The following DMD variants were observed in gnomAD, a reference collection of about 807,000 sequenced individuals.
DMD encodes the protein mutant dystrophin.
In DMD, 63 loss-of-function variants were observed where a neutral mutation model predicts 330.1. That is an observed-to-expected ratio of 0.19 (90% CI 0.16 to 0.24). The LOEUF (loss-of-function observed/expected upper bound fraction) is 0.24. DMD is among the 10% of genes least tolerant of loss of function. The pLI, the probability that DMD is intolerant of heterozygous loss-of-function variation, is 1.00. For missense variants in DMD, 3,344 were observed against 2,684.1 expected (o/e 1.25, Z -5.43); for synonymous variants, 1,223 against 959.8 (o/e 1.27, Z -5.07).
chrX:31,318,612 G>T (rs1451279048), intron 62 of DMD, among the ~76,000 whole-genome samples: 1 of 112,196 alleles, frequency 8.9e-6, no homozygotes. Context: ...AAGGTCATCA[G>T]GCAACATATA....
intron 16 of DMD, among the ~76,000 whole-genome samples, chrX:32,548,183 A>G (rs1392895127): frequency 1.8e-5 from 2 of 111,389 alleles, no homozygotes; most frequent in Non-Finnish European, 3.8e-5. Context: ...TCACTATAGG[A>G]CATTCAGAAA....
chrX:32,334,652 C>T (rs775395089), intron 41 of DMD, among the ~76,000 whole-genome samples: 7 of 111,385 alleles, frequency 6.3e-5, no homozygotes, highest in South Asian at 3.8e-4. Context: ...AATAATGATA[C>T]GGTGATGTTC....
At chrX:32,125,792 T>C (rs141635972) in intron 44 of DMD, among the ~76,000 whole-genome samples, 188 of 112,015 alleles carry the variant, frequency 1.7e-3, no homozygotes, top group African/African-American at 6.0e-3. Flanking sequence ...GCGAGTTTTA[T>C]CCATTTGCTA....
At chrX:32,456,967 A>AG (rs201940680) in intron 25 of DMD, among the ~76,000 whole-genome samples, 1,363 of 106,702 alleles carry the variant, frequency 0.013, 11 homozygotes, top group Non-Finnish European at 0.021. Context: ...TTAAAAAAAA[A>AG]AAAAAAAAAA....
intron 1 of DMD, among the ~76,000 whole-genome samples, chrX:33,123,340 C>T (rs772152706): frequency 8.9e-6 from 1 of 112,106 alleles, no homozygotes; most frequent in Admixed American, 9.5e-5. Context: ...ATGATTCCTT[C>T]ACCATGAGGA....
intron 44 of DMD, among the ~76,000 whole-genome samples, chrX:32,011,871 TGGA>T (rs1361372774): frequency 1.8e-5 from 2 of 112,040 alleles, no homozygotes; most frequent in Admixed American, 1.9e-4. Flanking sequence ...TGGTACTATT[TGGA>T]GGAGTTCTCT....
intron 44 of DMD, among the ~76,000 whole-genome samples, chrX:31,978,010 A>G (rs148601950): frequency 2.3e-3 from 258 of 111,661 alleles, no homozygotes; most frequent in African/African-American, 7.8e-3. Context: ...GGTGAAAACT[A>G]TAGGTTTTAC....
chrX:32,434,417 T>G (rs1603633401), intron 29 of DMD, among the ~76,000 whole-genome samples: 1 of 111,539 alleles, frequency 9.0e-6, no homozygotes, highest in Middle Eastern at 4.6e-3. Context: ...CTCAAAAAAA[T>G]AAAATAAAAT....
chrX:31,989,861 G>C (rs150355550), intron 44 of DMD, among the ~76,000 whole-genome samples: 1 of 110,786 alleles, frequency 9.0e-6, no homozygotes, highest in Admixed American at 9.6e-5. Flanking sequence ...TGTTACAAGG[G>C]TATACTGCGT....
chrX:32,093,037 A>G (rs1216936192), intron 44 of DMD, among the ~76,000 whole-genome samples: 1 of 111,233 alleles, frequency 9.0e-6, no homozygotes, highest in Non-Finnish European at 1.9e-5. Flanking sequence ...TAGTTTTTGT[A>G]TTCAATAGTC....
At chrX:31,227,234 C>T (rs1424643127) in intron 63 of DMD, among the ~76,000 whole-genome samples, 2 of 111,132 alleles carry the variant, frequency 1.8e-5, no homozygotes, top group Non-Finnish European at 3.8e-5. Context: ...CAAATCTTAG[C>T]GTTCATATCA....
chrX:31,355,865 AATAAT>A (rs1326744212), intron 60 of DMD, among the ~76,000 whole-genome samples: 1 of 97,137 alleles, frequency 1.0e-5, no homozygotes, highest in Non-Finnish European at 2.1e-5. Flanking sequence ...TAACTGAAAA[AATAAT>A]AAAAAAAAAA....
chrX:32,872,322 T>C (rs2083062923), intron 2 of DMD, among the ~76,000 whole-genome samples: 1 of 112,112 alleles, frequency 8.9e-6, no homozygotes, highest in East Asian at 2.8e-4. Context: ...GGCCAGTTCA[T>C]GCTTTCTCAC....
intron 20 of DMD, among the ~76,000 whole-genome samples, chrX:32,487,954 G>A (rs1019716819): frequency 1.8e-5 from 2 of 111,554 alleles, no homozygotes; most frequent in Admixed American, 1.9e-4. Context: ...ATTTACAAAT[G>A]GCAGCATTGG....
chrX:32,050,878 A>G (rs181217765), intron 44 of DMD, among the ~76,000 whole-genome samples: 1 of 110,715 alleles, frequency 9.0e-6, no homozygotes, highest in East Asian at 2.8e-4. Flanking sequence ...ACGTACCTAT[A>G]GTCTTCTCTG....
At chrX:31,146,780 G>A (rs753448785) in intron 75 of DMD, among the ~76,000 whole-genome samples, 2 of 112,318 alleles carry the variant, frequency 1.8e-5, no homozygotes, top group South Asian at 7.4e-4. Flanking sequence ...TAACAAGATA[G>A]AGAGAACATA....
intron 1 of DMD, among the ~76,000 whole-genome samples, chrX:33,033,404 T>A (rs2147867071): frequency 9.2e-6 from 1 of 108,124 alleles, no homozygotes; most frequent in South Asian, 4.2e-4. Flanking sequence ...TGAGTGTAGG[T>A]TGGCATGCAA....
At chrX:32,721,542 A>G (rs766756101) in intron 7 of DMD, among the ~76,000 whole-genome samples, 3 of 110,627 alleles carry the variant, frequency 2.7e-5, no homozygotes, top group Non-Finnish European at 3.8e-5. Flanking sequence ...CAATTTTTTA[A>G]TTGGGTTATT....
chrX:31,618,884 AG>A (rs943385683), intron 55 of DMD, among the ~76,000 whole-genome samples: 1 of 111,424 alleles, frequency 9.0e-6, no homozygotes, highest in African/African-American at 3.3e-5. Context: ...ATCCAAAAAA[AG>A]AATCAGAAAA....
Sources: gnomAD v4.1 joint callset for allele counts (sites outside exome capture counted in the v4.1 genomes callset) on GRCh38, gnomAD v4.1.1 for gene constraint, MANE v1.5 for transcripts, NCBI Gene and HGNC (gene_info 2026-07-23, HGNC 2026-07-21) for gene names.